RBM20: variants seen among roughly 807,000 people sequenced by gnomAD.
RBM20 encodes RNA-binding protein 20.
Under a neutral mutation model 110.1 loss-of-function variants are expected in RBM20, and 51 were observed. That is an observed-to-expected ratio of 0.46 (90% CI 0.37 to 0.59). The LOEUF is 0.59. Ranked by LOEUF, RBM20 falls within the 20% of genes least tolerant of loss-of-function variation. The pLI, the probability that RBM20 is intolerant of heterozygous loss-of-function variation, is 0.00. For synonymous variants in RBM20, 589 were observed against 618.2 expected (o/e 0.95, Z 0.70); for missense variants, 1,512 against 1,574.9 (o/e 0.96, Z 0.68).
intron 1 of RBM20, among the ~76,000 whole-genome samples, chr10:110,668,030 C>T (rs74158123): frequency 2.5e-4 from 38 of 152,270 alleles, no homozygotes; most frequent in African/African-American, 8.2e-4. Context: ...AAGATCACTG[C>T]GCTCAGGAAA....
intron 7 of RBM20, among the ~76,000 whole-genome samples, chr10:110,809,658 G>A (rs7084549): frequency 0.011 from 1,723 of 152,238 alleles, 27 homozygotes; most frequent in African/African-American, 0.038. Flanking sequence ...TCTCAGCTGT[G>A]AAGCCCGACT....
At chr10:110,761,293 A>T (rs1386118048) in intron 1 of RBM20, 1 of 152,170 alleles carries the variant, frequency 6.6e-6, no homozygotes, top group Non-Finnish European at 1.5e-5. Flanking sequence ...CTACCATCTA[A>T]ACACAATGAT....
At chr10:110,729,280 G>T (rs73356964) in intron 1 of RBM20, among the ~76,000 whole-genome samples, 3,418 of 152,274 alleles carry the variant, frequency 0.022, 110 homozygotes, top group African/African-American at 0.074. Context: ...AAAATAATAT[G>T]TGTTGTTCCC....
intron 6 of RBM20, among the ~76,000 whole-genome samples, chr10:110,798,821 C>T (rs1261119633): frequency 6.6e-6 from 1 of 152,176 alleles, no homozygotes; most frequent in African/African-American, 2.4e-5. Flanking sequence ...TCCCCTGCAG[C>T]ATTGAGGAAT....
At chr10:110,780,620 G>A (rs1844324337) in intron 1 of RBM20, among the ~76,000 whole-genome samples, 181 bp from the exon 2 acceptor site, 2 of 140,870 alleles carry the variant, frequency 1.4e-5, no homozygotes, top group Admixed American at 1.4e-4. Flanking sequence ...TTCCATTGGA[G>A]TTTTTTTTTT....
In RBM20 at chr10:110,644,702, G is replaced by T; in HGVS notation, c.191+57G>T. ...GTGCGCCTGGGGACACGCCCCGAGA[G>T]CCCCCTTTGTGGCTTCATTTCCCGT... On this transcript the variant is annotated intron_variant, in intron 1 of 13. Coordinates refer to ENST00000369519, the MANE Select transcript of RBM20 (RefSeq NM_001134363.3). The surrounding 1 kb of genome is among the most constrained non-coding windows in gnomAD (Gnocchi z 4.3). 1 of 1,312,670 alleles carries T rather than the reference G, an allele frequency of 7.6e-7. No homozygotes were observed. 81.3% of individuals were successfully genotyped at this position (1,312,670 alleles called of 1,614,324 possible). A position where few individuals can be genotyped will look rare whatever the true frequency, so the allele number is the denominator to read the frequency against.
At chr10:110,791,958 C>T (rs2044465124) in intron 5 of RBM20, among the ~76,000 whole-genome samples, 1 of 152,302 alleles carries the variant, frequency 6.6e-6, no homozygotes, top group South Asian at 2.1e-4. Flanking sequence ...CTTGACCTGC[C>T]CTTCTCCCCT....
intron 1 of RBM20, among the ~76,000 whole-genome samples, chr10:110,699,701 A>G (rs769116748): frequency 6.6e-6 from 1 of 152,116 alleles, no homozygotes; most frequent in Non-Finnish European, 1.5e-5. Flanking sequence ...ATATGTTCCA[A>G]GACCCTCAGT....
chr10:110,693,470 C>T (rs548186470), intron 1 of RBM20, among the ~76,000 whole-genome samples: 1 of 152,258 alleles, frequency 6.6e-6, no homozygotes, highest in African/African-American at 2.4e-5. Flanking sequence ...TTTTCTACTT[C>T]TTCATGGGTC....
intron 13 of RBM20, among the ~76,000 whole-genome samples, chr10:110,833,074 T>C (rs1845076759): frequency 6.6e-6 from 1 of 152,138 alleles, no homozygotes; most frequent in Non-Finnish European, 1.5e-5. Context: ...TTCTTCTTTG[T>C]ACCAGCTGGC....
intron 1 of RBM20, among the ~76,000 whole-genome samples, chr10:110,675,666 T>C (rs1042094995): frequency 1.3e-4 from 20 of 152,150 alleles, no homozygotes; most frequent in African/African-American, 4.6e-4. Flanking sequence ...AAAGCCCCTG[T>C]TGAGATTAAC....
intron 8 of RBM20, among the ~76,000 whole-genome samples, chr10:110,810,883 C>T (rs1312372942): frequency 1.3e-5 from 2 of 151,394 alleles, no homozygotes; most frequent in Non-Finnish European, 2.9e-5. Flanking sequence ...TCGTTTAGAA[C>T]CAGCTCTTGG....
intron 8 of RBM20, among the ~76,000 whole-genome samples, 191 bp downstream of exon 8, chr10:110,810,653 G>A (rs1377793870): frequency 2.6e-5 from 4 of 152,132 alleles, no homozygotes; most frequent in East Asian, 3.8e-4. Flanking sequence ...ATGCTGCTCC[G>A]GTTAACCTCA....
intron 1 of RBM20, among the ~76,000 whole-genome samples, chr10:110,647,142 T>G (rs1399866005): frequency 6.6e-6 from 1 of 152,324 alleles, no homozygotes; most frequent in South Asian, 2.1e-4. Context: ...GTCAATGACT[T>G]TGGAAAAACC....
chr10:110,782,519 A>T (rs1051706553), intron 2 of RBM20, among the ~76,000 whole-genome samples: 2 of 152,254 alleles, frequency 1.3e-5, no homozygotes, highest in African/African-American at 4.8e-5. Flanking sequence ...CAATTATAAC[A>T]AATACCATAT....
At chr10:110,713,509 T>C (rs191771591) in intron 1 of RBM20, among the ~76,000 whole-genome samples, 3 of 152,338 alleles carry the variant, frequency 2.0e-5, no homozygotes, top group Admixed American at 2.0e-4. Context: ...GTGTCCCTTA[T>C]GACACTTTGC....
rs147374079 is a variant in RBM20 at position 110,722,209 on chromosome 10, T to C, written c.192-58592T>C. Among the ~76,000 whole-genome samples the C allele has an allele frequency of 4.2e-3, 634 of 152,344 alleles. 3 individuals are homozygous for C. Among genetic ancestry groups the C allele is most frequent in the Middle Eastern group, 0.01 (3 of 294 alleles). On this transcript the variant is annotated intron_variant, in intron 1 of 13. Transcript: ENST00000369519. ...TGATTTGAAATGATTAATGGGAAGA[T>C]GTATTTCAAGAACAACAGCAGGCAT...
At chr10:110,772,909 AC>A (rs1844212477) in intron 1 of RBM20, among the ~76,000 whole-genome samples, 1 of 152,164 alleles carries the variant, frequency 6.6e-6, no homozygotes, top group Non-Finnish European at 1.5e-5. Flanking sequence ...AGGAAATTAA[AC>A]CTTAGAGTTA....
intron 1 of RBM20, among the ~76,000 whole-genome samples, chr10:110,670,794 C>G (rs893997906): frequency 1.3e-5 from 2 of 152,204 alleles, no homozygotes; most frequent in East Asian, 1.9e-4. Flanking sequence ...ACTGTAACAA[C>G]AAAAAGGGAA....
Sources: gnomAD v4.1 joint callset for allele counts (sites outside exome capture counted in the v4.1 genomes callset) on GRCh38, gnomAD v4.1.1 for gene constraint, Gnocchi (gnomAD v3.1) non-coding constraint, MANE v1.5 for transcripts, NCBI Gene and HGNC (gene_info 2026-07-23, HGNC 2026-07-21) for gene names.